Variants in LRRFIP1 observed in about 807,000 individuals in gnomAD.
The protein encoded by LRRFIP1 is LRR binding FLII interacting protein 1.
LRRFIP1 carries 62 observed loss-of-function variants against 104.4 expected under a neutral mutation model. The ratio of observed to expected loss-of-function variants is 0.59; its 90% confidence interval spans 0.48 to 0.73. LRRFIP1 has a LOEUF of 0.73. Among genes scored for constraint, LRRFIP1 ranks in the 30% least tolerant of loss-of-function variants. LRRFIP1 has a pLI of 0.00. For missense variants in LRRFIP1, 796 were observed against 824.5 expected (o/e 0.97, Z 0.42); for synonymous variants, 300 against 299.0 (o/e 1.00, Z -0.03).
At chr2:237,662,248 C>T (rs983240152) in intron 1 of LRRFIP1, among the ~76,000 whole-genome samples, 1 of 152,172 alleles carries the variant, frequency 6.6e-6, no homozygotes, top group Non-Finnish European at 1.5e-5. Flanking sequence ...ATTTCTGTTT[C>T]CTTATAAGAA....
Position 237,708,939 on chromosome 2 carries a change from G to A in LRRFIP1, c.183+309G>A, listed in dbSNP as rs57147904. Among the ~76,000 whole-genome samples, 405 of 152,358 alleles carry A rather than the reference G, an allele frequency of 2.7e-3. 4 individuals carry two copies. Among genetic ancestry groups the A allele is most frequent in the African/African-American group, 9.3e-3 (388 of 41,584 alleles). On this transcript the variant is annotated intron_variant, in intron 2 of 23. Coordinates refer to ENST00000308482, the MANE Select transcript of LRRFIP1 (RefSeq NM_001137550.2). The stretch of plus-strand genomic sequence containing the variant: ...GTCTGAGCTTTAAGGTCTAACTGTT[G>A]TACTAGAATCTAGATCCTCTGGATT...
At chr2:237,757,413 C>T (rs2059383894) in intron 16 of LRRFIP1, 43 bp from the exon 17 acceptor site, 3 of 1,383,782 alleles carry the variant, frequency 2.2e-6, no homozygotes, top group Non-Finnish European at 3.0e-6. Context: ...GTTTTTCTTC[C>T]TCTTTAACCC....
intron 20 of LRRFIP1, 57 bp downstream of exon 20, chr2:237,770,049 C>T: frequency 5.1e-6 from 7 of 1,370,862 alleles, no homozygotes; most frequent in Admixed American, 1.9e-5. Context: ...AAACCACCTG[C>T]CCATCCTTCC....
chr2:237,773,848 CG>C (rs78489685), intron 22 of LRRFIP1: 7,011 of 156,082 alleles, frequency 0.045, 188 homozygotes, highest in Middle Eastern at 0.13. Context: ...CTTTTGATTG[CG>C]GCAGAGTGAA....
chr2:237,674,272 G>T (rs56100702), intron 1 of LRRFIP1, among the ~76,000 whole-genome samples: 26,342 of 152,180 alleles, frequency 0.17, 2,970 homozygotes, highest in Middle Eastern at 0.36. Flanking sequence ...GGTATTACAG[G>T]AAAGAGCTCT....
intron 15 of LRRFIP1, 123 bp from the exon 16 acceptor site, chr2:237,755,972 G>T: frequency 1.9e-6 from 1 of 536,244 alleles, no homozygotes; most frequent in South Asian, 3.3e-5. Flanking sequence ...AAAAGACCTT[G>T]AAGATTGTGA....
At chr2:237,644,257 G>A (rs1190008396) in intron 1 of LRRFIP1, among the ~76,000 whole-genome samples, 1 of 152,246 alleles carries the variant, frequency 6.6e-6, no homozygotes, top group Admixed American at 6.5e-5. Flanking sequence ...TTGTGTCCAG[G>A]AAAACTCTGC....
Position 237,648,236 on chromosome 2 carries a change from G to A in LRRFIP1, c.96+20496G>A, listed in dbSNP as rs144673873. 6.2e-3 allele frequency among the ~76,000 whole-genome samples: 937 copies of A among 151,982 alleles called. 12 individuals carry two copies. The highest frequency in any genetic ancestry group is 8.6e-3 in the Admixed American group (132 of 15,272). On this transcript the variant is annotated intron_variant, in intron 1 of 23. Coordinates refer to ENST00000308482, the MANE Select transcript of LRRFIP1 (RefSeq NM_001137550.2). Reference sequence around the variant, plus strand: ...AGCCCTTCCCCTAGCAGCCAACTCAGCACCCGTGTTCTAAGGACGCAGGAG... The same window carrying A: ...AGCCCTTCCCCTAGCAGCCAACTCAACACCCGTGTTCTAAGGACGCAGGAG...
At chr2:237,769,588 C>T (rs1456106827) in intron 19 of LRRFIP1, 2 of 230,472 alleles carry the variant, frequency 8.7e-6, no homozygotes, top group African/African-American at 2.2e-5. Context: ...TTGTGATTCT[C>T]GGTGTTTGTA....
At position 237,757,705 on chromosome 2, in the gene LRRFIP1, A is replaced by G. The variant is rs183940614; in HGVS notation, c.1224+157A>G. Among the ~76,000 whole-genome samples the G allele has an allele frequency of 4.9e-4, 74 of 152,270 alleles. No homozygotes were observed. Among genetic ancestry groups the G allele is most frequent in the Middle Eastern group, 3.4e-3 (1 of 294 alleles). On this transcript the variant is annotated intron_variant, in intron 17 of 23. Transcript: ENST00000308482. ...ATTAATTTATTTAATTTTATTAAGT[A>G]GTGAATACACTAACTTATCCAAATT...
chr2:237,656,857 A>G (rs944838940), intron 1 of LRRFIP1, among the ~76,000 whole-genome samples: 1 of 152,252 alleles, frequency 6.6e-6, no homozygotes, highest in African/African-American at 2.4e-5. Context: ...ATAAAATGCA[A>G]CTGCTCCTAA....
intron 1 of LRRFIP1, among the ~76,000 whole-genome samples, chr2:237,664,064 A>C (rs550719425): frequency 6.6e-6 from 1 of 152,278 alleles, no homozygotes; most frequent in African/African-American, 2.4e-5. Context: ...GAGGGGAAAC[A>C]GCCATGTCCA....
intron 1 of LRRFIP1, among the ~76,000 whole-genome samples, chr2:237,704,516 G>A (rs978232722): frequency 1.3e-5 from 2 of 152,202 alleles, no homozygotes; most frequent in African/African-American, 4.8e-5. Flanking sequence ...GTGGCTAAGT[G>A]TGTAGTTTTG....
intron 1 of LRRFIP1, among the ~76,000 whole-genome samples, chr2:237,671,359 G>A (rs574410924): frequency 2.4e-4 from 37 of 152,310 alleles, no homozygotes; most frequent in African/African-American, 7.7e-4. Flanking sequence ...GAGCACATCC[G>A]TGATCCCACA....
At chr2:237,734,705 A>G (rs1234086007) in intron 9 of LRRFIP1, among the ~76,000 whole-genome samples, 1 of 152,218 alleles carries the variant, frequency 6.6e-6, no homozygotes, top group Admixed American at 6.5e-5. Flanking sequence ...ATACCGGGCA[A>G]AGTTTGACAT....
rs562944751 is a variant in LRRFIP1, at chr2:237,720,436, C to T, written c.295-336C>T. ...CTAATTTTTGTATTTTTTGTAGAGA[C>T]AGAGTGTTTCGCCTTGTTGGCCAGG... is the stretch of plus-strand genomic sequence containing the variant. On this transcript the variant is annotated intron_variant, in intron 5 of 23. Transcript: ENST00000308482. Among the ~76,000 whole-genome samples the T allele has an allele frequency of 2.0e-5, 3 of 151,154 alleles. No individual in the cohort carries two copies. In the South Asian group the frequency reaches 6.3e-4, roughly 32 times the overall value.
chr2:237,720,256 CT>C (rs954032828), intron 5 of LRRFIP1, among the ~76,000 whole-genome samples: 1 of 148,628 alleles, frequency 6.7e-6, no homozygotes, highest in Admixed American at 6.7e-5. Flanking sequence ...CCTGAAATTA[CT>C]TTTTTTTTGA....
Position 237,717,294 on chromosome 2 carries a change from C to T in LRRFIP1, c.202-468C>T, listed in dbSNP as rs909485542. Among the ~76,000 whole-genome samples, 2 of 152,246 alleles carry T rather than the reference C, an allele frequency of 1.3e-5. No homozygotes were observed. The highest frequency in any genetic ancestry group is 6.5e-5 in the Admixed American group (1 of 15,284). ...ATAGACATCAGGCAGCTAGAACAAG[C>T]GTCAGCACGCAGTTTCTCCCCTTCT... is the stretch of plus-strand genomic sequence containing the variant. On this transcript the variant is annotated intron_variant, in intron 3 of 23. Coordinates refer to ENST00000308482, the MANE Select transcript of LRRFIP1 (RefSeq NM_001137550.2). The surrounding 1 kb of genome is among the most constrained non-coding windows in gnomAD (Gnocchi z 4.2).
intron 1 of LRRFIP1, among the ~76,000 whole-genome samples, chr2:237,685,633 G>C (rs2149689523): frequency 6.6e-6 from 1 of 152,196 alleles, no homozygotes; most frequent in Middle Eastern, 3.4e-3. Context: ...ATCAAATCCT[G>C]AGTCAGTACA....
Sources: allele counts gnomAD v4.1 joint callset (sites outside exome capture counted in the v4.1 genomes callset), GRCh38; gene constraint gnomAD v4.1.1; non-coding constraint Gnocchi (gnomAD v3.1); transcripts MANE v1.5; gene names NCBI Gene and HGNC (gene_info 2026-07-23, HGNC 2026-07-21).